Variants in SDK1 observed in about 807,000 individuals in gnomAD.
SDK1 encodes the protein sidekick cell adhesion molecule 1, also known as protein sidekick-1.
Under a neutral mutation model 245.5 loss-of-function variants are expected in SDK1, and 157 were observed. The ratio of observed to expected loss-of-function variants is 0.64; its 90% CI spans 0.56 to 0.73. The LOEUF (loss-of-function observed/expected upper bound fraction) is 0.73, where lower values mean the gene tolerates loss of function less well. SDK1 is among the 30% of genes least tolerant of loss of function. The probability of loss-of-function intolerance (pLI) is 0.00; values close to 1 mark genes in which losing one functional copy is unlikely to be tolerated. For missense variants in SDK1, 3,583 were observed against 3,002.3 expected (o/e 1.19, Z -4.52); for synonymous variants, 1,647 against 1,278.5 (o/e 1.29, Z -6.15).
chr7:4,173,117 C>T lies in SDK1; in HGVS notation c.4801-1105C>T, dbSNP rs554642442. On this transcript the variant is annotated intron_variant, in intron 32 of 44. Coordinates refer to ENST00000404826, the MANE Select transcript of SDK1 (RefSeq NM_152744.4). ...CGGTGTGGGTGCCTCACAGTGAGCC[C>T]GACACCGGAAGTTCTGTGCACATCC... Among the ~76,000 whole-genome samples, 284 of 152,316 alleles carry T rather than the reference C, an allele frequency of 1.9e-3. 1 individual carries two copies. The highest frequency in any genetic ancestry group is 6.4e-3 in the African/African-American group (268 of 41,570).
chr7:3,534,377 CT>C (rs1242522333), intron 1 of SDK1, among the ~76,000 whole-genome samples: 2 of 152,140 alleles, frequency 1.3e-5, no homozygotes, highest in African/African-American at 4.8e-5. Flanking sequence ...TCTTTGACTT[CT>C]CAGTTCCTTT....
chr7:3,429,937 C>T (rs1343824330), intron 1 of SDK1, among the ~76,000 whole-genome samples: 1 of 152,074 alleles, frequency 6.6e-6, no homozygotes, highest in Non-Finnish European at 1.5e-5. Context: ...TAAAATAGGC[C>T]CAAAAGCCTA....
intron 5 of SDK1, among the ~76,000 whole-genome samples, chr7:3,856,597 C>T (rs1780552880): frequency 6.6e-6 from 1 of 151,740 alleles, no homozygotes; most frequent in East Asian, 1.9e-4. Context: ...TCAAGACCAG[C>T]CTGGCCAACA....
At chr7:4,048,170 C>T (rs1789158845) in intron 17 of SDK1, among the ~76,000 whole-genome samples, 1 of 152,142 alleles carries the variant, frequency 6.6e-6, no homozygotes, top group Non-Finnish European at 1.5e-5. Context: ...TGTGTTCCGG[C>T]CGAGAAGACC....
chr7:3,438,987 G>C (rs887901583), intron 1 of SDK1, among the ~76,000 whole-genome samples: 1 of 151,512 alleles, frequency 6.6e-6, no homozygotes. Context: ...CGAGTAGTTG[G>C]GATTACTGTT....
intron 4 of SDK1, among the ~76,000 whole-genome samples, chr7:3,801,048 C>A (rs774142781): frequency 3.9e-5 from 6 of 152,146 alleles, no homozygotes; most frequent in Admixed American, 6.6e-5. Flanking sequence ...TGGCAAATTC[C>A]TTTCATTTTC....
intron 4 of SDK1, among the ~76,000 whole-genome samples, chr7:3,749,572 T>C (rs1779720502): frequency 1.3e-5 from 2 of 152,180 alleles, no homozygotes; most frequent in African/African-American, 4.8e-5. Context: ...GTGCTGGGAT[T>C]AGAGGTGTGA....
At chr7:3,580,238 A>G (rs554976937) in intron 1 of SDK1, among the ~76,000 whole-genome samples, 3 of 152,356 alleles carry the variant, frequency 2.0e-5, no homozygotes, top group East Asian at 3.9e-4. Context: ...TACAGATTCA[A>G]TGCTATTCCT....
At chr7:4,165,584 A>G (rs571997396) in intron 32 of SDK1, among the ~76,000 whole-genome samples, 1 of 151,904 alleles carries the variant, frequency 6.6e-6, no homozygotes, top group Middle Eastern at 3.4e-3. Flanking sequence ...CTGCCTCCCG[A>G]GTTCAGGTGA....
Position 4,091,968 on chromosome 7 carries a change from C to G in SDK1, c.3324+12384C>G, listed in dbSNP as rs1781831998. On this transcript the variant is annotated intron_variant, in intron 22 of 44. Coordinates refer to ENST00000404826, the MANE Select transcript of SDK1 (RefSeq NM_152744.4). ...CCATGGATCATCTCTGACTCATCCC[C>G]CAGGAAAGACATCGTGACAAGCAGC... 9.9e-5 allele frequency among the ~76,000 whole-genome samples: 15 copies of G among 152,248 alleles called. No homozygotes were observed. The South Asian group carries it at 2.9e-3, about 29-fold the overall frequency.
intron 5 of SDK1, among the ~76,000 whole-genome samples, chr7:3,856,036 T>G (rs563249907): frequency 6.6e-6 from 1 of 152,278 alleles, no homozygotes; most frequent in East Asian, 1.9e-4. Flanking sequence ...ATTGATAGCA[T>G]TAATACAGAA....
At chr7:3,310,663 A>G (rs1044365139) in intron 1 of SDK1, among the ~76,000 whole-genome samples, 1 of 152,194 alleles carries the variant, frequency 6.6e-6, no homozygotes, top group African/African-American at 2.4e-5. Flanking sequence ...GGGACCTTTG[A>G]GGCATCTAGA....
At chr7:3,434,115 C>T (rs1279172618) in intron 1 of SDK1, among the ~76,000 whole-genome samples, 1 of 152,086 alleles carries the variant, frequency 6.6e-6, no homozygotes, top group African/African-American at 2.4e-5. Flanking sequence ...CATCTTATGA[C>T]CTGTTCTTGC....
intron 1 of SDK1, among the ~76,000 whole-genome samples, chr7:3,605,927 T>C (rs1781410527): frequency 6.6e-6 from 1 of 152,184 alleles, no homozygotes; most frequent in Admixed American, 6.5e-5. Flanking sequence ...TAAGATAAAA[T>C]TTATGATTTG....
intron 13 of SDK1, among the ~76,000 whole-genome samples, chr7:3,985,718 T>C (rs1783776889): frequency 6.6e-6 from 1 of 152,182 alleles, no homozygotes; most frequent in South Asian, 2.1e-4. Context: ...TGGGCTCGCA[T>C]TTATTCTTTA....
rs147309384 is a variant in SDK1 at position 3,823,692 on chromosome 7, T to C, written c.847+2109T>C. ...GTTCCTTTGTATGTATTTTTTAACTTTTCATTGGCACCAGGTAAAAATGTG... is the reference window on the plus strand; with the variant it reads ...GTTCCTTTGTATGTATTTTTTAACTCTTCATTGGCACCAGGTAAAAATGTG... On this transcript the variant is annotated intron_variant, in intron 5 of 44. Transcript: ENST00000404826. 4.6e-3 allele frequency among the ~76,000 whole-genome samples: 702 copies of C among 152,316 alleles called. 7 individuals carry two copies. The highest frequency in any genetic ancestry group is 0.016 in the African/African-American group (658 of 41,570).
Position 3,683,548 on chromosome 7 carries a change from C to CTT in SDK1, c.713+41443_713+41444insTT, listed in dbSNP as rs1442172551. On this transcript the variant is annotated intron_variant, in intron 4 of 44. Transcript: ENST00000404826. ...ATATACCTGGTGCATAGTAGGTGTT[C>CTT]AGAAACTATTTACTGAGCTCACGTT... 2.0e-5 allele frequency among the ~76,000 whole-genome samples: 3 copies of CTT among 152,324 alleles called. No individual in the cohort carries two copies. The East Asian group carries it at 5.8e-4, about 29-fold the overall frequency.
intron 1 of SDK1, 138 bp from the exon 2 acceptor site, chr7:3,618,942 T>G (rs1781851920): frequency 1.5e-6 from 1 of 671,920 alleles, no homozygotes; most frequent in African/African-American, 1.8e-5. Context: ...AAAGGATTAT[T>G]TACTTCTTAA....
chr7:3,869,493 C>T (rs1227392361), intron 5 of SDK1, among the ~76,000 whole-genome samples: 1 of 152,120 alleles, frequency 6.6e-6, no homozygotes, highest in Non-Finnish European at 1.5e-5. Flanking sequence ...GTCAGGTGTG[C>T]AAGCCCAGAG....
Sources: gnomAD v4.1 joint callset for allele counts (sites outside exome capture counted in the v4.1 genomes callset) on GRCh38, gnomAD v4.1.1 for gene constraint, MANE v1.5 for transcripts, NCBI Gene and HGNC (gene_info 2026-07-23, HGNC 2026-07-21) for gene names.